Variants in GRID2 observed in about 807,000 individuals in gnomAD.
The protein encoded by GRID2 is glutamate ionotropic receptor delta type subunit 2.
GRID2 carries 33 observed loss-of-function variants against 114.8 expected under a neutral mutation model. That is an observed-to-expected ratio of 0.29 (90% confidence interval 0.22 to 0.38). The LOEUF is 0.38. Ranked by LOEUF, GRID2 falls within the 10% of genes least tolerant of loss-of-function variation. GRID2 has a pLI of 1.00. For missense variants in GRID2, 1,184 were observed against 1,257.7 expected, an observed-to-expected ratio of 0.94 and a Z score of 0.89; for synonymous variants, 505 against 449.9, an observed-to-expected ratio of 1.12 and a Z score of -1.55.
chr4:93,236,324 G>T (rs1430802292), intron 7 of GRID2, among the ~76,000 whole-genome samples: 1 of 152,034 alleles, frequency 6.6e-6, no homozygotes, highest in East Asian at 1.9e-4. Context: ...GGAGAAAAAG[G>T]AGGAGACATT....
chr4:92,586,184 C>T (rs1378447718), intron 1 of GRID2, among the ~76,000 whole-genome samples: 1 of 151,732 alleles, frequency 6.6e-6, no homozygotes, highest in East Asian at 1.9e-4. Context: ...AGAGGAAACA[C>T]CAAAAATAAA....
chr4:92,884,929 T>C, intron 2 of GRID2: 1 of 340,398 alleles, frequency 2.9e-6, no homozygotes, highest in South Asian at 2.7e-5. Flanking sequence ...TGACATTTGG[T>C]CTCCCCAAAA....
intron 1 of GRID2, among the ~76,000 whole-genome samples, chr4:92,471,792 C>T (rs1443415330): frequency 6.6e-6 from 1 of 152,004 alleles, no homozygotes; most frequent in East Asian, 1.9e-4. Context: ...CCCAGGAAAA[C>T]GTGGTTTTTT....
intron 4 of GRID2, among the ~76,000 whole-genome samples, chr4:93,189,235 A>G (rs1324757301): frequency 6.6e-6 from 1 of 151,882 alleles, no homozygotes; most frequent in Admixed American, 6.6e-5. Context: ...TTTATAAACA[A>G]TGTAAATTTA....
chr4:93,307,150 C>T (rs1175745756), intron 8 of GRID2, among the ~76,000 whole-genome samples: 2 of 150,178 alleles, frequency 1.3e-5, no homozygotes, highest in East Asian at 2.0e-4. Context: ...TGCAGTGAGC[C>T]GAGATAGCGC....
At chr4:92,487,914 C>A (rs983847250) in intron 1 of GRID2, among the ~76,000 whole-genome samples, 68 of 152,120 alleles carry the variant, frequency 4.5e-4, no homozygotes, top group African/African-American at 1.6e-3. Context: ...AAAACAATTT[C>A]ATATATGTTA....
At chr4:93,731,351 G>A (rs764710442) in intron 14 of GRID2, among the ~76,000 whole-genome samples, 3 of 152,080 alleles carry the variant, frequency 2.0e-5, no homozygotes, top group African/African-American at 7.2e-5. Flanking sequence ...AAATTAGAGC[G>A]CAATAGGTTA....
chr4:92,456,297 C>T (rs1217578619), intron 1 of GRID2, among the ~76,000 whole-genome samples: 1 of 151,902 alleles, frequency 6.6e-6, no homozygotes, highest in East Asian at 1.9e-4. Context: ...TCCATTATTC[C>T]TTTAGGATCT....
At chr4:93,591,416 A>G (rs1046799597) in intron 13 of GRID2, among the ~76,000 whole-genome samples, 1 of 151,842 alleles carries the variant, frequency 6.6e-6, no homozygotes, top group South Asian at 2.1e-4. Context: ...CCACTTGACC[A>G]TGGTGGATAA....
intron 14 of GRID2, among the ~76,000 whole-genome samples, chr4:93,762,568 A>T (rs1733301573): frequency 1.3e-5 from 2 of 152,134 alleles, no homozygotes; most frequent in South Asian, 4.1e-4. Flanking sequence ...ACTTCTTCTG[A>T]CCAGAGGATT....
chr4:93,464,863 T>C (rs2149425578), intron 11 of GRID2, among the ~76,000 whole-genome samples: 1 of 152,314 alleles, frequency 6.6e-6, no homozygotes, highest in East Asian at 1.9e-4. Flanking sequence ...TGCTGCACAG[T>C]GTATTCTATC....
intron 13 of GRID2, among the ~76,000 whole-genome samples, chr4:93,567,489 G>A (rs905310493): frequency 1.3e-5 from 2 of 152,148 alleles, no homozygotes; most frequent in African/African-American, 4.8e-5. Flanking sequence ...AAAATAAAAT[G>A]TTAACTGGTC....
chr4:93,212,633 G>C (rs1011022452), intron 5 of GRID2, among the ~76,000 whole-genome samples: 3 of 152,088 alleles, frequency 2.0e-5, no homozygotes, highest in Non-Finnish European at 4.4e-5. Flanking sequence ...TCTATTGCCT[G>C]ATAATATCAA....
At chr4:93,705,571 T>C (rs939943633) in intron 14 of GRID2, among the ~76,000 whole-genome samples, 4 of 152,190 alleles carry the variant, frequency 2.6e-5, no homozygotes, top group Non-Finnish European at 2.9e-5. Flanking sequence ...TCCCTATATA[T>C]TCTGGTTATT....
At chr4:93,438,881 G>A (rs1415311648) in intron 10 of GRID2, among the ~76,000 whole-genome samples, 1 of 148,744 alleles carries the variant, frequency 6.7e-6, no homozygotes, top group Non-Finnish European at 1.5e-5. Context: ...CCCTTCCCGT[G>A]TCCATGTGTT....
At chr4:92,926,141 T>A (rs1048163188) in intron 2 of GRID2, among the ~76,000 whole-genome samples, 5 of 151,966 alleles carry the variant, frequency 3.3e-5, no homozygotes, top group Non-Finnish European at 7.4e-5. Flanking sequence ...CTTCTAATGG[T>A]GGAGATTAAT....
chr4:93,420,900 C>A (rs1054511703), intron 9 of GRID2, among the ~76,000 whole-genome samples: 4 of 152,004 alleles, frequency 2.6e-5, no homozygotes, highest in Non-Finnish European at 5.9e-5. Flanking sequence ...ACTACAGGCG[C>A]CTGCCACCAC....
At chr4:92,812,782 C>G (rs978842150) in intron 2 of GRID2, among the ~76,000 whole-genome samples, 3 of 152,018 alleles carry the variant, frequency 2.0e-5, no homozygotes, top group African/African-American at 7.2e-5. Context: ...TTTGACATTC[C>G]CATTCAGTCC....
intron 1 of GRID2, among the ~76,000 whole-genome samples, chr4:93,793,942 AG>A (rs1170527361): frequency 6.6e-6 from 1 of 152,140 alleles, no homozygotes; most frequent in Non-Finnish European, 1.5e-5. Flanking sequence ...CCCTCTTTTC[AG>A]GGGTCAGTTC....
Sources: allele counts gnomAD v4.1 joint callset (sites outside exome capture counted in the v4.1 genomes callset), GRCh38; gene constraint gnomAD v4.1.1; transcripts MANE v1.5; gene names NCBI Gene and HGNC (gene_info 2026-07-23, HGNC 2026-07-21).